CHODL: variants seen among roughly 807,000 people sequenced by gnomAD.
CHODL encodes chondrolectin.
Under a neutral mutation model 34.5 loss-of-function variants are expected in CHODL, and 29 were observed. The ratio of observed to expected loss-of-function variants is 0.84; its 90% CI spans 0.63 to 1.15. The LOEUF (loss-of-function observed/expected upper bound fraction) is 1.15, where lower values mean the gene tolerates loss of function less well. Among genes scored for constraint, CHODL ranks in the 50% most tolerant of loss-of-function variants. The pLI is 0.00. For missense variants in CHODL, 332 were observed against 332.5 expected (o/e 1.00, Z 0.01); for synonymous variants, 125 against 116.1 (o/e 1.08, Z -0.49).
intron 1 of CHODL, among the ~76,000 whole-genome samples, chr21:17,995,259 C>T (rs922765538): frequency 6.6e-6 from 1 of 152,182 alleles, no homozygotes; most frequent in Admixed American, 6.5e-5. Flanking sequence ...AAAATGTCTT[C>T]TCATGGATTC....
intron 1 of CHODL, among the ~76,000 whole-genome samples, chr21:18,003,516 C>G (rs1331789682): frequency 6.6e-6 from 1 of 151,906 alleles, no homozygotes; most frequent in Non-Finnish European, 1.5e-5. Flanking sequence ...TGTATTGTTT[C>G]ACTGAATAAT....
chr21:18,048,994 T>C (rs1014409866), intron 2 of CHODL, among the ~76,000 whole-genome samples: 10 of 151,954 alleles, frequency 6.6e-5, no homozygotes, highest in African/African-American at 2.4e-4. Flanking sequence ...TTAGTATTGA[T>C]TAATCATTTT....
chr21:18,251,498 A>T lies in CHODL; in HGVS notation c.80-5011A>T, dbSNP rs1488895107. On this transcript the variant is annotated intron_variant, in intron 1 of 5. Coordinates refer to ENST00000299295, the MANE Select transcript of CHODL (RefSeq NM_024944.3). ...TTATTTATTTTAATATATAAAATAA[A>T]TATTTATTTTAATATATAAAATATT... Among the ~76,000 whole-genome samples, 14 of 47,250 alleles carry T rather than the reference A, an allele frequency of 3.0e-4. 1 individual carries two copies. The South Asian group carries it at 3.2e-3, about 11-fold the overall frequency. 31.0% of individuals were successfully genotyped at this position (47,250 alleles called of 152,430 possible).
chr21:18,264,153 G>A (rs1243075285), intron 5 of CHODL, among the ~76,000 whole-genome samples: 1 of 151,946 alleles, frequency 6.6e-6, no homozygotes, highest in Non-Finnish European at 1.5e-5. Flanking sequence ...TTTTCTCTTT[G>A]AGGGAATTCT....
chr21:18,079,864 C>T (rs2064919893), intron 2 of CHODL, among the ~76,000 whole-genome samples: 1 of 84,496 alleles, frequency 1.2e-5, no homozygotes, highest in African/African-American at 3.0e-5. Context: ...AGTGGGATTG[C>T]TAGATTGAAT....
At chr21:17,934,332 G>A (rs552743628) in intron 1 of CHODL, among the ~76,000 whole-genome samples, 2 of 152,010 alleles carry the variant, frequency 1.3e-5, no homozygotes, top group Middle Eastern at 3.4e-3. Context: ...AATAACATCC[G>A]AAAGCTCTAG....
chr21:17,931,895 C>T (rs2063276461), intron 1 of CHODL, among the ~76,000 whole-genome samples: 1 of 152,056 alleles, frequency 6.6e-6, no homozygotes, highest in Admixed American at 6.6e-5. Context: ...TTGGCCTAGG[C>T]AAAACATTTA....
intron 2 of CHODL, among the ~76,000 whole-genome samples, chr21:18,070,450 G>GAA (rs931092021): frequency 6.8e-6 from 1 of 146,796 alleles, no homozygotes; most frequent in Non-Finnish European, 1.5e-5. Context: ...TATAGCTAGG[G>GAA]AAAAAAAAAA....
intron 1 of CHODL, among the ~76,000 whole-genome samples, chr21:18,254,354 T>C (rs913529364): frequency 1.3e-5 from 2 of 152,146 alleles, no homozygotes; most frequent in African/African-American, 4.8e-5. Context: ...TTACATAAAG[T>C]AATTGACAGT....
intron 2 of CHODL, among the ~76,000 whole-genome samples, chr21:18,188,925 A>G (rs919112301): frequency 1.9e-4 from 29 of 152,224 alleles, no homozygotes; most frequent in Non-Finnish European, 1.6e-4. Flanking sequence ...ACCAAGACCA[A>G]TAACGAGGGT....
chr21:18,214,082 T>C (rs2073800057), intron 2 of CHODL, among the ~76,000 whole-genome samples: 1 of 152,118 alleles, frequency 6.6e-6, no homozygotes, highest in African/African-American at 2.4e-5. Context: ...CCGTAGACTC[T>C]AATAAATTTG....
chr21:18,090,903 C>T (rs2065065590), intron 2 of CHODL, among the ~76,000 whole-genome samples: 1 of 152,130 alleles, frequency 6.6e-6, no homozygotes, highest in African/African-American at 2.4e-5. Flanking sequence ...GGTGAGCAGT[C>T]ACAGGACCTG....
At position 18,212,686 on chromosome 21, in the gene CHODL, A is replaced by G. The variant is rs186090758; in HGVS notation, c.-44-43823A>G. On this transcript the variant is annotated intron_variant, in intron 2 of 6. Transcript: ENST00000400127. The stretch of plus-strand genomic sequence containing the variant: ...GACAATATTTAATACCTGAAATTTA[A>G]TCAGGAAAAGTTTTATAGAAAGCTT... Among the ~76,000 whole-genome samples, 17 of 152,256 alleles carry G rather than the reference A, an allele frequency of 1.1e-4. No homozygotes were observed. In the East Asian group the frequency reaches 2.9e-3, roughly 26 times the overall value.
intron 2 of CHODL, among the ~76,000 whole-genome samples, chr21:18,028,266 TTTTCCTTTTCCCCTTCC>T (rs1568851000): frequency 8.8e-4 from 39 of 44,262 alleles, no homozygotes; most frequent in Admixed American, 3.2e-3. Context: ...TTCTTTTTCT[TTTTCCTTTTCCCCTTCC>T]TTCCTTCCTT....
intron 1 of CHODL, among the ~76,000 whole-genome samples, chr21:17,983,234 C>A (rs1378966586): frequency 2.6e-5 from 4 of 152,244 alleles, no homozygotes; most frequent in African/African-American, 9.6e-5. Context: ...TTAGTAATGG[C>A]TTTGCAATAA....
In CHODL at chr21:18,258,897, A is replaced by G. The variant is rs572601945; in HGVS notation, c.548-1303A>G. ...TGCTTGATTTTTAGTGATATTTTGC[A>G]TAATATTTATATTATTTGTTTAAAA... On this transcript the variant is annotated intron_variant, in intron 3 of 5. Coordinates refer to ENST00000299295, the MANE Select transcript of CHODL (RefSeq NM_024944.3). 6.6e-5 allele frequency among the ~76,000 whole-genome samples: 10 copies of G among 152,174 alleles called. No homozygotes were observed. The South Asian group carries it at 2.1e-3, about 32-fold the overall frequency.
chr21:17,976,109 C>CA (rs2063659680), intron 1 of CHODL, among the ~76,000 whole-genome samples: 1 of 151,360 alleles, frequency 6.6e-6, no homozygotes, highest in South Asian at 2.1e-4. Context: ...CATCTCTACC[C>CA]AAAATCCTCA....
intron 2 of CHODL, among the ~76,000 whole-genome samples, chr21:18,048,342 AT>A (rs1306526895): frequency 6.6e-6 from 1 of 151,930 alleles, no homozygotes; most frequent in East Asian, 1.9e-4. Flanking sequence ...AAGTTTTAAA[AT>A]ATTTATTTCT....
At chr21:18,260,593 AC>A (rs953335826) in intron 4 of CHODL, among the ~76,000 whole-genome samples, 32 of 152,226 alleles carry the variant, frequency 2.1e-4, no homozygotes, top group African/African-American at 7.7e-4. Context: ...CAGGTGGATC[AC>A]TTGAGCCCAG....
Sources: allele counts gnomAD v4.1 joint callset (sites outside exome capture counted in the v4.1 genomes callset), GRCh38; gene constraint gnomAD v4.1.1; transcripts MANE v1.5; gene names NCBI Gene and HGNC (gene_info 2026-07-23, HGNC 2026-07-21).